OR8K5: variants seen among roughly 807,000 people sequenced by gnomAD.
OR8K5 encodes olfactory receptor family 8 subfamily K member 5, also known as olfactory receptor 8K5.
For synonymous variants in OR8K5, 154 were observed against 133.7 expected, an observed-to-expected ratio of 1.15 and a Z score of -1.05; for missense variants, 433 against 363.9, an observed-to-expected ratio of 1.19 and a Z score of -1.54.
Position 56,159,538 on chromosome 11 carries a change from C to T in OR8K5, c.780G>A (p.Met260Ile), listed in dbSNP as rs757496765. 2.9e-5 allele frequency: 46 copies of T among 1,613,874 alleles called. No individual in the cohort carries two copies. The highest frequency in any genetic ancestry group is 3.6e-5 in the Non-Finnish European group (43 of 1,179,936). The part of the protein sequence containing the change: ...VFYGSLLFMY[M>I]QPNSTHFFDT... ...CAAAGAAGTGAGTGGAATTGGGCTGCATGTACATGAAGAGTAGAGACCCAT... is the reference window on the plus strand; with the variant it reads ...CAAAGAAGTGAGTGGAATTGGGCTGTATGTACATGAAGAGTAGAGACCCAT... The change falls in exon 1 of 1, where the codon ATG (methionine) becomes ATA (isoleucine). Residue 260 changes from methionine (M) to isoleucine (I), a missense_variant. Coordinates refer to ENST00000313447, the MANE Select transcript of OR8K5 (RefSeq NM_001004058.2).
At position 56,159,507 on chromosome 11, in the gene OR8K5, C is replaced by G; in HGVS notation, c.811G>C (p.Asp271His). The G allele has an allele frequency of 6.2e-7, 1 of 1,613,750 alleles. No homozygotes were observed. Residue 271 changes from aspartate (D) to histidine (H), a missense_variant, in exon 1 of 1, where the codon GAT becomes CAT. Coordinates refer to ENST00000313447, the MANE Select transcript of OR8K5 (RefSeq NM_001004058.2). Reference protein sequence around the residue: ...QPNSTHFFDTDKMASVFYTLV... With the variant: ...QPNSTHFFDTHKMASVFYTLV... ...GTGTAAAACACAGAAGCCATTTTAT[C>G]AGTATCAAAGAAGTGAGTGGAATTG...
In OR8K5 at chr11:56,160,289, G is replaced by A; in HGVS notation, c.29C>T (p.Thr10Ile). The change falls in exon 1 of 1, where the codon ACT (threonine) becomes ATT (isoleucine). Residue 10 changes from threonine (T) to isoleucine (I), a missense_variant. Transcript: ENST00000313447. ...TGTGAGTTCCATCAGAATGAATTCA[G>A]TTAGCACTGTTAGATTGTGTTGGCC... MGQHNLTVL[T>I]EFILMELTRR... 1 of 1,613,704 alleles carries A rather than the reference G, an allele frequency of 6.2e-7. No individual in the cohort carries two copies. Among genetic ancestry groups the A allele is most frequent in the Non-Finnish European group, 8.5e-7 (1 of 1,179,718 alleles).
In OR8K5 at chr11:56,160,312, G is replaced by T. The variant is rs775702535; in HGVS notation, c.6C>A (p.Gly2=). The part of the protein sequence containing the change: M[G]QHNLTVLTEF... ...CAGTTAGCACTGTTAGATTGTGTTG[G>T]CCCATTTAGTCCAGTTATCTCTTCT... is the stretch of plus-strand genomic sequence containing the variant. The change falls in exon 1 of 1, where the codon GGC becomes GGA. Residue 2 remains glycine (G), a synonymous_variant. Transcript: ENST00000313447. 9 of 1,610,678 alleles carry T rather than the reference G, an allele frequency of 5.6e-6. No individual in the cohort carries two copies. Among genetic ancestry groups the T allele is most frequent in the Admixed American group, 1.7e-5 (1 of 59,840 alleles).
chr11:56,160,068 T>G lies in OR8K5; in HGVS notation c.250A>C (p.Asn84His). Residue 84 changes from asparagine to histidine, a missense_variant, in exon 1 of 1, where the codon AAT becomes CAT. Transcript: ENST00000313447. ...STVICPKVLA[N>H]FVVDRNTISY... ...ATAGTATTTCGATCCACAACAAAAT[T>G]TGCCAGCACCTTGGGACAAATGACA... 1.2e-6 allele frequency: 2 copies of G among 1,614,020 alleles called. No homozygotes were observed. The highest frequency in any genetic ancestry group is 1.7e-6 in the Non-Finnish European group (2 of 1,179,926).
At position 56,159,429 on chromosome 11, in the gene OR8K5, C is replaced by A; in HGVS notation, c.889G>T (p.Val297Leu). 1 of 1,608,656 alleles carries A rather than the reference C, an allele frequency of 6.2e-7. No individual in the cohort carries two copies. The highest frequency in any genetic ancestry group is 8.5e-7 in the Non-Finnish European group (1 of 1,177,732). Residue 297 changes from valine to leucine, a missense_variant, in exon 1 of 1, where the codon GTG becomes TTG. By Grantham distance (32) the Val-to-Leu change is conservative (BLOSUM62 1). Coordinates refer to ENST00000313447, the MANE Select transcript of OR8K5 (RefSeq NM_001004058.2). Reference sequence around the variant, plus strand: ...AAGAGCTTATAGAAGGCATTTTTCACCTCTTCGTTTCTTAAGCTGTAAATC... The same window carrying A: ...AAGAGCTTATAGAAGGCATTTTTCAACTCTTCGTTTCTTAAGCTGTAAATC... ...PLIYSLRNEE[V>L]KNAFYKLFEN
In OR8K5 at chr11:56,159,708, C is replaced by G; in HGVS notation, c.610G>C (p.Val204Leu). The G allele has an allele frequency of 1.2e-6, 2 of 1,613,758 alleles. No homozygotes were observed. The highest frequency in any genetic ancestry group is 1.3e-5 in the African/African-American group (1 of 75,020). Residue 204 changes from valine to leucine, a missense_variant, in exon 1 of 1, where the codon GTA (valine) becomes CTA (leucine). Coordinates refer to ENST00000313447, the MANE Select transcript of OR8K5 (RefSeq NM_001004058.2). ...EIELLSILFS[V>L]FNLISSFLIV... The stretch of plus-strand genomic sequence containing the variant: ...AGAAAGGAGGAGATCAAATTAAATA[C>G]AGAAAATAGTATGCTCAACAATTCT...
Position 56,159,953 on chromosome 11 carries a change from C to G in OR8K5, c.365G>C (p.Arg122Pro), listed in dbSNP as rs201565179. The G allele has an allele frequency of 6.2e-7, 1 of 1,613,976 alleles. No individual in the cohort carries two copies. Among genetic ancestry groups the G allele is most frequent in the East Asian group, 2.2e-5 (1 of 44,880 alleles). ...FFILSAMAYD[R>P]YVAICNPLLY... ...CAGAGGGTTACAAATGGCCACATAG[C>G]GGTCATAGGCCATGGCTGACAGGAT... Residue 122 changes from arginine to proline, a missense_variant, in exon 1 of 1, where the codon CGC becomes CCC. Coordinates refer to ENST00000313447, the MANE Select transcript of OR8K5 (RefSeq NM_001004058.2).
Position 56,160,166 on chromosome 11 carries a change from A to T in OR8K5, c.152T>A (p.Leu51Gln). 6.2e-7 allele frequency: 1 copy of T among 1,614,180 alleles called. No individual in the cohort carries two copies. The highest frequency in any genetic ancestry group is 8.5e-7 in the Non-Finnish European group (1 of 1,180,000). Residue 51 changes from leucine to glutamine, a missense_variant, in exon 1 of 1, where the codon CTG (leucine) becomes CAG (glutamine). Physicochemically the swap from Leu to Gln is moderately radical, Grantham distance 113. Transcript: ENST00000313447. ...CATAGGTGTATGTAAGTGGGAGTCC[A>T]GTTTGGTCAAAATGATCATAGTTAG... is the stretch of plus-strand genomic sequence containing the variant. ...GNLTMIILTK[L>Q]DSHLHTPMYF...
rs1164246151 is a variant in OR8K5, at chr11:56,159,473, A to C, written c.845T>G (p.Ile282Ser). The change falls in exon 1 of 1, where the codon ATC becomes AGC. Residue 282 changes from isoleucine to serine, a missense_variant. Coordinates refer to ENST00000313447, the MANE Select transcript of OR8K5 (RefSeq NM_001004058.2). The stretch of plus-strand genomic sequence containing the variant: ...GTAAATCAAAGGGTTAAGCATGGGG[A>C]TTACTAAAGTGTAAAACACAGAAGC... ...KMASVFYTLV[I>S]PMLNPLIYSL... 1.2e-6 allele frequency: 2 copies of C among 1,613,832 alleles called. No homozygotes were observed. The highest frequency in any genetic ancestry group is 2.2e-5 in the South Asian group (2 of 91,076).
In OR8K5 at chr11:56,159,472, G is replaced by A. The variant is rs779229915; in HGVS notation, c.846C>T (p.Ile282=). The change falls in exon 1 of 1, where the codon ATC becomes ATT. Residue 282 remains isoleucine (I), a synonymous_variant. Coordinates refer to ENST00000313447, the MANE Select transcript of OR8K5 (RefSeq NM_001004058.2). ...TGTAAATCAAAGGGTTAAGCATGGG[G>A]ATTACTAAAGTGTAAAACACAGAAG... The part of the protein sequence containing the change: ...KMASVFYTLV[I]PMLNPLIYSL... 6.2e-7 allele frequency: 1 copy of A among 1,613,670 alleles called. No homozygotes were observed. The highest frequency in any genetic ancestry group is 1.1e-5 in the South Asian group (1 of 91,058).
chr11:56,160,217 A>G lies in OR8K5; in HGVS notation c.101T>C (p.Ile34Thr), dbSNP rs1157574411. ...GTTGCCCACCACTGTGATTAGGTAG[A>G]TGACGAGGAAGACTCCAAAAAGGGG... ...QIPLFGVFLV[I>T]YLITVVGNLT... Residue 34 changes from isoleucine (I) to threonine (T), a missense_variant, in exon 1 of 1, where the codon ATC becomes ACC. By Grantham distance (89) the Ile-to-Thr change is moderately conservative (BLOSUM62 -1). Coordinates refer to ENST00000313447, the MANE Select transcript of OR8K5 (RefSeq NM_001004058.2). 1.5e-5 allele frequency: 25 copies of G among 1,614,082 alleles called. No homozygotes were observed. Among genetic ancestry groups the G allele is most frequent in the Non-Finnish European group, 2.0e-5 (24 of 1,179,922 alleles).
Position 56,159,436 on chromosome 11 carries a change from G to A in OR8K5, c.882C>T (p.Asn294=), listed in dbSNP as rs147115733. The A allele has an allele frequency of 1.2e-5, 20 of 1,609,386 alleles. No individual in the cohort carries two copies. The highest frequency in any genetic ancestry group is 5.6e-5 in the South Asian group (5 of 89,982). ...TATAGAAGGCATTTTTCACCTCTTC[G>A]TTTCTTAAGCTGTAAATCAAAGGGT... is the stretch of plus-strand genomic sequence containing the variant. ...MLNPLIYSLR[N]EEVKNAFYKL... Residue 294 remains asparagine (N), a synonymous_variant, in exon 1 of 1, where the codon AAC becomes AAT. Coordinates refer to ENST00000313447, the MANE Select transcript of OR8K5 (RefSeq NM_001004058.2).
Position 56,160,313 on chromosome 11 carries a change from C to T in OR8K5, c.5G>A (p.Gly2Asp), listed in dbSNP as rs1369490907. Residue 2 changes from glycine (G) to aspartate (D), a missense_variant, in exon 1 of 1, where the codon GGC becomes GAC. By Grantham distance (94) the Gly-to-Asp change is moderately conservative. Coordinates refer to ENST00000313447, the MANE Select transcript of OR8K5 (RefSeq NM_001004058.2). ...AGTTAGCACTGTTAGATTGTGTTGG[C>T]CCATTTAGTCCAGTTATCTCTTCTA... M[G>D]QHNLTVLTEF... is the part of the protein sequence containing the mutation. 1 of 1,609,466 alleles carries T rather than the reference C, an allele frequency of 6.2e-7. No homozygotes were observed. Among genetic ancestry groups the T allele is most frequent in the Non-Finnish European group, 8.5e-7 (1 of 1,176,808 alleles).
At position 56,160,300 on chromosome 11, in the gene OR8K5, T is replaced by C; in HGVS notation, c.18A>G (p.Leu6=). ...TCAGAATGAATTCAGTTAGCACTGT[T>C]AGATTGTGTTGGCCCATTTAGTCCA... is the stretch of plus-strand genomic sequence containing the variant. MGQHN[L]TVLTEFILME... The change falls in exon 1 of 1, where the codon CTA becomes CTG. Residue 6 remains leucine (L), a synonymous_variant. Coordinates refer to ENST00000313447, the MANE Select transcript of OR8K5 (RefSeq NM_001004058.2). 3 of 1,613,358 alleles carry C rather than the reference T, an allele frequency of 1.9e-6. No individual in the cohort carries two copies. Among genetic ancestry groups the C allele is most frequent in the Non-Finnish European group, 1.7e-6 (2 of 1,179,484 alleles).
rs779972590 is a variant in OR8K5 at position 56,159,880 on chromosome 11, G to T, written c.438C>A (p.Gly146=). 1.2e-6 allele frequency: 2 copies of T among 1,613,896 alleles called. No homozygotes were observed. The highest frequency in any genetic ancestry group is 2.2e-5 in the South Asian group (2 of 91,078). Residue 146 remains glycine, a synonymous_variant, in exon 1 of 1, where the codon GGC becomes GGA. Coordinates refer to ENST00000313447, the MANE Select transcript of OR8K5 (RefSeq NM_001004058.2). Reference sequence around the variant, plus strand: ...GAAATGTGCTGTAGAGATATTGAATGCCCACCAGTACATGACACAGTCGCT... The same window carrying T: ...GAAATGTGCTGTAGAGATATTGAATTCCCACCAGTACATGACACAGTCGCT... ...MSQRLCHVLV[G]IQYLYSTFQA...
At position 56,159,622 on chromosome 11, in the gene OR8K5, C is replaced by G. The variant is rs774965266; in HGVS notation, c.696G>C (p.Glu232Asp). The change falls in exon 1 of 1, where the codon GAG becomes GAC. Residue 232 changes from glutamate to aspartate, a missense_variant. By Grantham distance (45) the Glu-to-Asp change is conservative (BLOSUM62 2). Coordinates refer to ENST00000313447, the MANE Select transcript of OR8K5 (RefSeq NM_001004058.2). ...ATGTGGAGAAAGCCTTTTTCCTGCC[C>G]TCTGCAGAATGCATTTGACATATAG... The part of the protein sequence containing the change: ...LLAICQMHSA[E>D]GRKKAFSTCG... The G allele has an allele frequency of 1.7e-5, 28 of 1,613,808 alleles. No homozygotes were observed. The highest frequency in any genetic ancestry group is 2.3e-5 in the Non-Finnish European group (27 of 1,179,866).
At position 56,159,687 on chromosome 11, in the gene OR8K5, A is replaced by C. The variant is rs760242150; in HGVS notation, c.631T>G (p.Phe211Val). Residue 211 changes from phenylalanine to valine, a missense_variant, in exon 1 of 1, where the codon TTT becomes GTT. By Grantham distance (50) the Phe-to-Val change is conservative (BLOSUM62 -1). Transcript: ENST00000313447. The part of the protein sequence containing the change: ...LFSVFNLISS[F>V]LIVLVSYMLI... ...ATGTAGGACACTAAGACTATCAGAA[A>C]GGAGGAGATCAAATTAAATACAGAA... 6.2e-6 allele frequency: 10 copies of C among 1,613,866 alleles called. No individual in the cohort carries two copies. The African/African-American group carries it at 1.2e-4, about 19-fold the overall frequency.
Position 56,160,242 on chromosome 11 carries a change from G to A in OR8K5, c.76C>T (p.Pro26Ser), listed in dbSNP as rs371957978. 6.2e-7 allele frequency: 1 copy of A among 1,613,962 alleles called. No individual in the cohort carries two copies. The highest frequency in any genetic ancestry group is 2.2e-5 in the East Asian group (1 of 44,892). Residue 26 changes from proline (P) to serine (S), a missense_variant, in exon 1 of 1, where the codon CCC becomes TCC. By Grantham distance (74) the Pro-to-Ser change is moderately conservative. Transcript: ENST00000313447. The stretch of plus-strand genomic sequence containing the variant: ...ATGACGAGGAAGACTCCAAAAAGGG[G>A]AATCTGCAGCTCAGGCCGCCTTGTG... ...ELTRRPELQI[P>S]LFGVFLVIYL...
Position 56,159,501 on chromosome 11 carries a change from T to C in OR8K5, c.817A>G (p.Met273Val), listed in dbSNP as rs1854532592. Residue 273 changes from methionine (M) to valine (V), a missense_variant, in exon 1 of 1, where the codon ATG becomes GTG. By Grantham distance (21) the Met-to-Val change is conservative (BLOSUM62 1). Coordinates refer to ENST00000313447, the MANE Select transcript of OR8K5 (RefSeq NM_001004058.2). ...NSTHFFDTDK[M>V]ASVFYTLVIP... Reference sequence around the variant, plus strand: ...ACTAAAGTGTAAAACACAGAAGCCATTTTATCAGTATCAAAGAAGTGAGTG... The same window carrying C: ...ACTAAAGTGTAAAACACAGAAGCCACTTTATCAGTATCAAAGAAGTGAGTG... The C allele has an allele frequency of 1.2e-6, 2 of 1,613,648 alleles. No individual in the cohort carries two copies. Among genetic ancestry groups the C allele is most frequent in the African/African-American group, 1.3e-5 (1 of 74,882 alleles).
Sources: allele counts gnomAD v4.1 joint callset, GRCh38; gene constraint gnomAD v4.1.1; transcripts MANE v1.5; gene names NCBI Gene and HGNC (gene_info 2026-07-23, HGNC 2026-07-21).